MKNK1: variants seen among roughly 807,000 people sequenced by gnomAD.
The protein encoded by MKNK1 is MAPK interacting serine/threonine kinase 1.
A neutral mutation model predicts 49.3 loss-of-function variants in MKNK1; 30 were observed. The ratio of observed to expected loss-of-function variants is 0.61; its 90% CI spans 0.46 to 0.83. The LOEUF (loss-of-function observed/expected upper bound fraction) is 0.83, where lower values mean the gene tolerates loss of function less well. Among genes scored for constraint, MKNK1 ranks in the 40% least tolerant of loss-of-function variants. MKNK1 has a pLI of 0.00. For synonymous variants in MKNK1, 176 were observed against 201.7 expected (o/e 0.87, Z 1.08); for missense variants, 423 against 524.7 (o/e 0.81, Z 1.89).
rs113013389 is a variant in MKNK1 at position 46,572,746 on chromosome 1, C to A, written c.353-579G>T. Among the ~76,000 whole-genome samples the A allele has an allele frequency of 2.0e-4, 31 of 152,268 alleles. 1 individual carries two copies. The highest frequency in any genetic ancestry group is 6.7e-4 in the African/African-American group (28 of 41,552). On this transcript the variant is annotated intron_variant, in intron 6 of 12. Transcript: ENST00000371945. The stretch of plus-strand genomic sequence containing the variant: ...CAACTATAAATAGGGCCAAAAAACA[C>A]TAATGATGCTGAGGCTGATTTGGCT...
chr1:46,562,079 G>T (rs535896391), intron 10 of MKNK1, among the ~76,000 whole-genome samples: 1 of 152,018 alleles, frequency 6.6e-6, no homozygotes, highest in African/African-American at 2.4e-5. Context: ...TCCCTCTTCC[G>T]CAGGGCAGGA....
At chr1:46,583,367 T>C in intron 2 of MKNK1, 38 bp from the exon 3 acceptor site, 1 of 1,490,070 alleles carries the variant, frequency 6.7e-7, no homozygotes, top group Non-Finnish European at 9.3e-7. Flanking sequence ...AACATCACTG[T>C]ACTGATCAAG....
intron 2 of MKNK1, among the ~76,000 whole-genome samples, chr1:46,591,168 G>C (rs1372319364): frequency 6.6e-6 from 1 of 152,228 alleles, no homozygotes; most frequent in African/African-American, 2.4e-5. Context: ...CATGATGGAT[G>C]AAAGGAGCCA....
chr1:46,593,931 G>A (rs1483802538), intron 2 of MKNK1, 182 bp downstream of exon 2: 2 of 488,264 alleles, frequency 4.1e-6, no homozygotes, highest in Non-Finnish European at 7.5e-6. Context: ...ATGTCATTCT[G>A]TAGAAATGTG....
At chr1:46,581,508 CAAAAAAAAAAAAAAAAA>C (rs36099600) in intron 3 of MKNK1, among the ~76,000 whole-genome samples, 17 of 41,652 alleles carry the variant, frequency 4.1e-4, no homozygotes, top group Admixed American at 7.6e-4. Context: ...GACCCCATAT[CAAAAAAAAAAAAAAAAA>C]AAAAAAAAAA....
chr1:46,576,639 C>A lies in MKNK1; in HGVS notation c.214G>T (p.Ala72Ser). ...EYAVKIIEKQ[A>S]GHSRSRVFRE... is the part of the protein sequence containing the mutation. ...AACACCCTACTCCGACTGTGCCCTG[C>A]TTGTTTCTCGATGATCTGTGGGAAG... Residue 72 changes from alanine (A) to serine (S), a missense_variant, in exon 5 of 13, where the codon GCA (alanine) becomes TCA (serine). Transcript: ENST00000371945. The A allele has an allele frequency of 6.2e-7, 1 of 1,614,158 alleles. No individual in the cohort carries two copies. The highest frequency in any genetic ancestry group is 8.5e-7 in the Non-Finnish European group (1 of 1,179,988).
In MKNK1 at chr1:46,566,238, A is replaced by G. The variant is rs148856668; in HGVS notation, c.514-1102T>C. Among the ~76,000 whole-genome samples, 806 of 152,334 alleles carry G rather than the reference A, an allele frequency of 5.3e-3. 9 individuals carry two copies. The highest frequency in any genetic ancestry group is 0.032 in the South Asian group (153 of 4,830). On this transcript the variant is annotated intron_variant, in intron 8 of 12. Coordinates refer to ENST00000371945, the MANE Select transcript of MKNK1 (RefSeq NM_001135553.4). Reference sequence around the variant, plus strand: ...CCCATTCCAGATATTTCATATAAGTAGATTTACACAATATTTGTCCTGTTA... The same window carrying G: ...CCCATTCCAGATATTTCATATAAGTGGATTTACACAATATTTGTCCTGTTA...
At chr1:46,602,138 A>AC (rs1488261567) in intron 1 of MKNK1, among the ~76,000 whole-genome samples, 1 of 152,170 alleles carries the variant, frequency 6.6e-6, no homozygotes, top group East Asian at 1.9e-4. Flanking sequence ...TTGGCCGGGC[A>AC]CGTTGGCTCA....
rs1449652401 is a variant in MKNK1, at chr1:46,596,427, G to A, written c.-170-2147C>T. ...ACAGGCAGTGAGTCAAATATGGCCT[G>A]TGGGCCATACTTTGCCAACCCTTGG... On this transcript the variant is annotated intron_variant, in intron 1 of 12. Transcript: ENST00000371945. Among the ~76,000 whole-genome samples the A allele has an allele frequency of 2.0e-5, 3 of 152,186 alleles. No individual in the cohort carries two copies. The East Asian group carries it at 5.8e-4, about 29-fold the overall frequency.
At chr1:46,569,342 C>A (rs1317978398) in intron 7 of MKNK1, 2 of 152,280 alleles carry the variant, frequency 1.3e-5, no homozygotes, top group Non-Finnish European at 2.9e-5. Context: ...CAAGAAGGCA[C>A]CTCGGGGAGA....
chr1:46,560,032 C>T (rs888207686), intron 12 of MKNK1, among the ~76,000 whole-genome samples: 5 of 151,908 alleles, frequency 3.3e-5, no homozygotes, highest in African/African-American at 7.3e-5. Flanking sequence ...TGCTGGAGGG[C>T]AGAGGATCCA....
chr1:46,560,751 A>C (rs1440812722), intron 11 of MKNK1, among the ~76,000 whole-genome samples: 3 of 152,170 alleles, frequency 2.0e-5, no homozygotes, highest in Non-Finnish European at 4.4e-5. Context: ...TCCCTCTGGC[A>C]TGTGGCAGGT....
At chr1:46,594,034 G>C in intron 2 of MKNK1, 79 bp downstream of exon 2, 1 of 1,140,020 alleles carries the variant, frequency 8.8e-7, no homozygotes, top group Non-Finnish European at 1.3e-6. Flanking sequence ...TCTCTTACCC[G>C]CCCTTTCCTC....
chr1:46,595,011 A>C (rs550501187), intron 1 of MKNK1: 1 of 194,968 alleles, frequency 5.1e-6, no homozygotes, highest in South Asian at 5.2e-5. Flanking sequence ...TAGAGAAATG[A>C]GCTGGGCTCT....
At position 46,561,544 on chromosome 1, in the gene MKNK1, G is replaced by A. The variant is rs1442534259; in HGVS notation, c.903C>T (p.Leu301=). 4 of 1,614,206 alleles carry A rather than the reference G, an allele frequency of 2.5e-6. No individual in the cohort carries two copies. The highest frequency in any genetic ancestry group is 3.4e-6 in the Non-Finnish European group (4 of 1,180,016). Residue 301 remains leucine, a synonymous_variant, in exon 11 of 13, where the codon CTC becomes CTT. Coordinates refer to ENST00000371945, the MANE Select transcript of MKNK1 (RefSeq NM_001135553.4). ...GTCTCTGCTTTGCATCTCGCACCAG[G>A]AGCTTGGAGATGAGGTCTTTGGCTT... ...SSEAKDLISK[L]LVRDAKQRLS...
intron 6 of MKNK1, chr1:46,574,087 T>A (rs1570161090): frequency 6.6e-6 from 1 of 152,340 alleles, no homozygotes; most frequent in East Asian, 1.9e-4. Flanking sequence ...TTAATAATAT[T>A]AGCAGCCAAC....
chr1:46,601,933 C>T (rs1674782312), intron 1 of MKNK1, among the ~76,000 whole-genome samples: 3 of 152,166 alleles, frequency 2.0e-5, no homozygotes, highest in Non-Finnish European at 4.4e-5. Context: ...ATTAGAGGGT[C>T]AGCCTTTGCT....
intron 5 of MKNK1, chr1:46,575,284 A>T (rs1670786950): frequency 2.7e-6 from 1 of 373,288 alleles, no homozygotes; most frequent in Non-Finnish European, 4.8e-6. Flanking sequence ...CCTAAAACCC[A>T]CTAGGTAGAG....
intron 4 of MKNK1, among the ~76,000 whole-genome samples, chr1:46,577,684 G>A (rs905489903): frequency 6.6e-6 from 1 of 152,098 alleles, no homozygotes; most frequent in African/African-American, 2.4e-5. Context: ...CCTGTGATAC[G>A]GTGGGCTGCT....
Sources: gnomAD v4.1 joint callset for allele counts (sites outside exome capture counted in the v4.1 genomes callset) on GRCh38, gnomAD v4.1.1 for gene constraint, MANE v1.5 for transcripts, NCBI Gene and HGNC (gene_info 2026-07-23, HGNC 2026-07-21) for gene names.